The following PARN variants were observed in gnomAD, a reference collection of about 807,000 sequenced individuals.
The protein encoded by PARN is poly(A)-specific ribonuclease PARN.
A neutral mutation model predicts 102.8 loss-of-function variants in PARN; 71 were observed. The observed-to-expected ratio is 0.69, with a 90% CI of 0.57 to 0.84. The LOEUF is 0.84. Ranked by LOEUF, PARN falls within the 40% of genes least tolerant of loss-of-function variation. The pLI is 0.00. For synonymous variants in PARN, 261 were observed against 252.9 expected (o/e 1.03, Z -0.30); for missense variants, 782 against 760.9 (o/e 1.03, Z -0.33).
chr16:14,528,815 G>A (rs766805094), intron 21 of PARN, among the ~76,000 whole-genome samples: 1 of 152,072 alleles, frequency 6.6e-6, no homozygotes, highest in African/African-American at 2.4e-5. Context: ...AAAATAACTC[G>A]AGAGATTGTT....
chr16:14,519,348 GA>G, intron 21 of PARN, among the ~76,000 whole-genome samples: 1 of 117,302 alleles, frequency 8.5e-6, no homozygotes. Flanking sequence ...GGGTGGAGGG[GA>G]GGGGAGGGGA....
chr16:14,604,614 C>T (rs941100178), intron 10 of PARN, among the ~76,000 whole-genome samples: 3 of 151,792 alleles, frequency 2.0e-5, no homozygotes, highest in East Asian at 1.9e-4. Context: ...CAGATTTCTG[C>T]TGCCATTAGA....
intron 21 of PARN, among the ~76,000 whole-genome samples, chr16:14,510,915 G>A (rs1965153054): frequency 6.6e-6 from 1 of 152,178 alleles, no homozygotes; most frequent in Non-Finnish European, 1.5e-5. Flanking sequence ...ATGTTTCTGA[G>A]GCAATTTTTC....
intron 21 of PARN, among the ~76,000 whole-genome samples, chr16:14,521,929 T>C (rs1234486339): frequency 3.3e-5 from 5 of 152,200 alleles, no homozygotes; most frequent in African/African-American, 1.2e-4. Context: ...ACAAATACCA[T>C]TGTATTACAA....
rs1960668893 is a variant in PARN at position 14,435,935 on chromosome 16, C to A, written c.*782G>T. The A allele has an allele frequency of 6.7e-6, 1 of 149,986 alleles. No individual in the cohort carries two copies. The highest frequency in any genetic ancestry group is 6.6e-5 in the Admixed American group (1 of 15,096). The allele number at this position is 149,986 out of a possible 1,614,324, so 9.3% of individuals were successfully genotyped here. On this transcript the variant is annotated 3_prime_UTR_variant, in exon 24 of 24. Coordinates refer to ENST00000437198, the MANE Select transcript of PARN (RefSeq NM_002582.4). ...ACACACACACACACACACACACACA[C>A]ACACACACAGACACGTACGCACACA...
intron 22 of PARN, among the ~76,000 whole-genome samples, chr16:14,461,490 C>T (rs900134279): frequency 6.6e-6 from 1 of 152,202 alleles, no homozygotes; most frequent in Non-Finnish European, 1.5e-5. Flanking sequence ...ATCCTTTGCG[C>T]TTTCAATGTA....
intron 21 of PARN, among the ~76,000 whole-genome samples, chr16:14,505,526 A>G (rs926588634): frequency 1.3e-5 from 2 of 152,162 alleles, no homozygotes; most frequent in African/African-American, 4.8e-5. Context: ...ACTGTACAAC[A>G]AATTGGGACA....
chr16:14,602,922 C>CT lies in PARN; in HGVS notation c.783+1223dup, dbSNP rs540387565. Among the ~76,000 whole-genome samples, 25 of 148,980 alleles carry CT rather than the reference C, an allele frequency of 1.7e-4. 1 individual carries two copies. Among genetic ancestry groups the CT allele is most frequent in the Middle Eastern group, 3.4e-3 (1 of 292 alleles). On this transcript the variant is annotated intron_variant, in intron 11 of 23. Coordinates refer to ENST00000437198, the MANE Select transcript of PARN (RefSeq NM_002582.4). ...AACACATGCTGCAATCATCTCGTAT[C>CT]TTTTTTTTTTAAGACAAGGTCTCAC... is the stretch of plus-strand genomic sequence containing the variant.
At chr16:14,579,647 A>C (rs1415371985) in intron 18 of PARN, among the ~76,000 whole-genome samples, 1 of 152,164 alleles carries the variant, frequency 6.6e-6, no homozygotes, top group Non-Finnish European at 1.5e-5. Flanking sequence ...ATTTAACATC[A>C]AGTACATAAA....
At chr16:14,484,923 C>T (rs1963578434) in intron 21 of PARN, among the ~76,000 whole-genome samples, 1 of 151,990 alleles carries the variant, frequency 6.6e-6, no homozygotes, top group Admixed American at 6.6e-5. Flanking sequence ...AAAAAACCCT[C>T]AAAGTATTAG....
At chr16:14,550,293 A>T (rs1275858695) in intron 21 of PARN, among the ~76,000 whole-genome samples, 1 of 152,192 alleles carries the variant, frequency 6.6e-6, no homozygotes, top group Non-Finnish European at 1.5e-5. Context: ...TTTAACAAGC[A>T]ACATCAATCA....
intron 20 of PARN, among the ~76,000 whole-genome samples, chr16:14,553,166 C>A (rs1967429034): frequency 1.3e-5 from 2 of 148,446 alleles, no homozygotes; most frequent in African/African-American, 2.5e-5. Context: ...GCCTGTAATC[C>A]CAGCACTTTG....
chr16:14,443,124 C>G (rs953604298), intron 23 of PARN, among the ~76,000 whole-genome samples: 8 of 152,122 alleles, frequency 5.3e-5, no homozygotes, highest in African/African-American at 1.7e-4. Flanking sequence ...TTTAAAAGGT[C>G]TAGACAAGAC....
chr16:14,629,100 A>T (rs1972862020), intron 2 of PARN, among the ~76,000 whole-genome samples: 1 of 152,186 alleles, frequency 6.6e-6, no homozygotes, highest in African/African-American at 2.4e-5. Flanking sequence ...TTCAGAGACA[A>T]ATGGCGGTTG....
At chr16:14,569,914 T>C (rs1186075577) in intron 18 of PARN, among the ~76,000 whole-genome samples, 2 of 152,162 alleles carry the variant, frequency 1.3e-5, no homozygotes, top group Non-Finnish European at 2.9e-5. Flanking sequence ...AATGGTTAAA[T>C]AGCAAAAGTT....
At chr16:14,618,868 C>T (rs775971569) in intron 5 of PARN, among the ~76,000 whole-genome samples, 53 of 151,956 alleles carry the variant, frequency 3.5e-4, no homozygotes, top group Non-Finnish European at 7.2e-4. Flanking sequence ...ATAATGAAAG[C>T]CCAAAATCTT....
intron 21 of PARN, among the ~76,000 whole-genome samples, chr16:14,514,431 C>T (rs1965357147): frequency 6.6e-6 from 1 of 152,034 alleles, no homozygotes; most frequent in African/African-American, 2.4e-5. Flanking sequence ...CATGATCCAC[C>T]CGCCTCAGCC....
At chr16:14,603,442 T>C (rs114135862) in intron 11 of PARN, among the ~76,000 whole-genome samples, 7,603 of 151,862 alleles carry the variant, frequency 0.05, 236 homozygotes, top group African/African-American at 0.083. Context: ...CTCCACCTTT[T>C]CCCCCAACCG....
chr16:14,519,083 T>C (rs577671022), intron 21 of PARN, among the ~76,000 whole-genome samples: 1 of 151,932 alleles, frequency 6.6e-6, no homozygotes, highest in African/African-American at 2.4e-5. Context: ...AATGATTATA[T>C]GATATTCTAT....
Sources: gnomAD v4.1 joint callset for allele counts (sites outside exome capture counted in the v4.1 genomes callset) on GRCh38, gnomAD v4.1.1 for gene constraint, MANE v1.5 for transcripts, NCBI Gene and HGNC (gene_info 2026-07-23, HGNC 2026-07-21) for gene names.